Variants in CLCN4 observed in about 807,000 individuals in gnomAD.
CLCN4 encodes the protein Cl-/H+ antiporter 4, also known as H(+)/Cl(-) exchange transporter 4.
In CLCN4, 1 loss-of-function variant was observed where a neutral mutation model predicts 41.7. The ratio of observed to expected loss-of-function variants is 0.02; its 90% CI spans 0.01 to 0.11. CLCN4 has a LOEUF of 0.11. Among genes scored for constraint, CLCN4 ranks in the 10% least tolerant of loss-of-function variants. CLCN4 has a pLI of 1.00. For missense variants in CLCN4, 287 were observed against 661.0 expected, an observed-to-expected ratio of 0.43 and a Z score of 6.20; for synonymous variants, 277 against 285.8, an observed-to-expected ratio of 0.97 and a Z score of 0.31.
intron 11 of CLCN4, among the ~76,000 whole-genome samples, chrX:10,214,563 C>A (rs1924657051): frequency 8.9e-6 from 1 of 112,895 alleles, no homozygotes; most frequent in Non-Finnish European, 1.9e-5. Flanking sequence ...CCCCAGACAC[C>A]CCTTGCCACC....
chrX:10,169,684 G>A (rs1262773744), intron 2 of CLCN4, among the ~76,000 whole-genome samples: 2 of 110,923 alleles, frequency 1.8e-5, no homozygotes, highest in Non-Finnish European at 3.8e-5. Flanking sequence ...AACCACTCAC[G>A]TGTGACATGG....
At chrX:10,218,870 C>G (rs1053158980) in intron 11 of CLCN4, among the ~76,000 whole-genome samples, 1 of 112,468 alleles carries the variant, frequency 8.9e-6, no homozygotes, top group African/African-American at 3.2e-5. Flanking sequence ...CAGTAAATAC[C>G]TTGTGTGCTT....
chrX:10,192,821 G>A (rs1924002135), intron 4 of CLCN4, among the ~76,000 whole-genome samples: 1 of 112,160 alleles, frequency 8.9e-6, no homozygotes, highest in Non-Finnish European at 1.9e-5. Flanking sequence ...AAGACAGCCC[G>A]AGTGGGGATG....
At chrX:10,216,630 C>T (rs996332430) in intron 11 of CLCN4, among the ~76,000 whole-genome samples, 1 of 109,307 alleles carries the variant, frequency 9.1e-6, no homozygotes, top group Non-Finnish European at 1.9e-5. Flanking sequence ...TAGGCTGGTA[C>T]AAAAGTAGTT....
In CLCN4 at chrX:10,213,977, C is replaced by T; in HGVS notation, c.1873C>T (p.Leu625Phe). The change falls in exon 11 of 13, where the codon CTC becomes TTC. Residue 625 changes from leucine (L) to phenylalanine (F), a missense_variant. Physicochemically the swap from Leu to Phe is conservative, Grantham distance 22 (BLOSUM62 0). Transcript: ENST00000380833. ...CATGACTGTCGAGGACGTGGAGACG[C>T]TCATCAAGGAGACCGACTACAACGG... ...DSMTVEDVET[L>F]IKETDYNGFP... is the part of the protein sequence containing the mutation. 8.3e-7 allele frequency: 1 copy of T among 1,211,573 alleles called. No homozygotes were observed. The highest frequency in any genetic ancestry group is 1.1e-6 in the Non-Finnish European group (1 of 895,185).
At position 10,158,543 on chromosome X, in the gene CLCN4, G is replaced by A. The variant is rs1206535595; in HGVS notation, c.-20G>A. 9 of 296,174 alleles carry A rather than the reference G, an allele frequency of 3.0e-5. No homozygotes were observed. In the East Asian group the frequency reaches 3.8e-4, roughly 13 times the overall value. The allele number at this position is 296,174 out of a possible 1,213,427, so 24.4% of individuals were successfully genotyped here. A position where few individuals can be genotyped will look rare whatever the true frequency, so the allele number is the denominator to read the frequency against. ...GGTGGGCGGCCGCGGGCGCGATGCG[G>A]CACTGCAGGTAAGGGGCGCGCGGCG... On this transcript the variant is annotated 5_prime_UTR_variant, in exon 2 of 13. Coordinates refer to ENST00000380833, the MANE Select transcript of CLCN4 (RefSeq NM_001830.4).
At chrX:10,206,633 C>T in intron 7 of CLCN4, 63 bp from the exon 8 acceptor site, 1 of 1,186,752 alleles carries the variant, frequency 8.4e-7, no homozygotes, top group Non-Finnish European at 1.1e-6. Context: ...GTCTGACTTG[C>T]AGGTTTGCAC....
At chrX:10,177,755 C>G (rs1923570508) in intron 2 of CLCN4, among the ~76,000 whole-genome samples, 2 of 112,229 alleles carry the variant, frequency 1.8e-5, no homozygotes, top group Non-Finnish European at 3.8e-5. Flanking sequence ...CCATCTGACC[C>G]AGCAATCCAC....
intron 11 of CLCN4, among the ~76,000 whole-genome samples, chrX:10,216,895 G>GTATATATATATA (rs1277215208): frequency 3.8e-3 from 8 of 2,088 alleles, no homozygotes; most frequent in African/African-American, 5.6e-3. Flanking sequence ...GTGTGTGTGT[G>GTATATATATATA]TGTATATATA....
At chrX:10,229,403 A>T (rs1000330284) in intron 12 of CLCN4, among the ~76,000 whole-genome samples, 18 of 107,727 alleles carry the variant, frequency 1.7e-4, no homozygotes, top group South Asian at 7.7e-4. Flanking sequence ...ATATATATAT[A>T]TTTTATTATA....
At chrX:10,173,292 A>C (rs902609572) in intron 2 of CLCN4, among the ~76,000 whole-genome samples, 1 of 111,271 alleles carries the variant, frequency 9.0e-6, no homozygotes, top group Admixed American at 9.5e-5. Context: ...ACCCTAAGGG[A>C]TGCATGGCTC....
chrX:10,178,071 C>T (rs1050520915), intron 2 of CLCN4, among the ~76,000 whole-genome samples: 3 of 110,813 alleles, frequency 2.7e-5, no homozygotes. Flanking sequence ...CATGATTCCA[C>T]TTATACGAAA....
intron 5 of CLCN4, among the ~76,000 whole-genome samples, chrX:10,195,851 T>C (rs1284335904): frequency 8.9e-6 from 1 of 112,834 alleles, no homozygotes; most frequent in Non-Finnish European, 1.9e-5. Context: ...AATAATATTC[T>C]ATTGTATGAA....
rs1006320840 is a variant in CLCN4 at position 10,234,575 on chromosome X, C to G, written c.*991C>G. The stretch of plus-strand genomic sequence containing the variant: ...ACTTATTTTTCCTCTCAGGTCTTAT[C>G]AGATACGGCTGTGGAGAGGATGAGG... On this transcript the variant is annotated 3_prime_UTR_variant, in exon 13 of 13. Transcript: ENST00000380833. 3 of 112,798 alleles carry G rather than the reference C, an allele frequency of 2.7e-5. 1 individual carries two copies. The highest frequency in any genetic ancestry group is 9.7e-5 in the African/African-American group (3 of 30,957). 9.3% of individuals were successfully genotyped at this position (112,798 alleles called of 1,213,427 possible).
intron 2 of CLCN4, among the ~76,000 whole-genome samples, chrX:10,181,820 T>C (rs1237908335): frequency 8.9e-6 from 1 of 112,061 alleles, no homozygotes; most frequent in Admixed American, 9.4e-5. Context: ...AGAGTCACTT[T>C]TAACATCAGA....
intron 9 of CLCN4, among the ~76,000 whole-genome samples, chrX:10,211,437 C>T (rs1214801505): frequency 1.8e-5 from 2 of 111,079 alleles, no homozygotes; most frequent in Non-Finnish European, 3.8e-5. Flanking sequence ...GATTTGTTTT[C>T]ATGTCTCAGG....
chrX:10,210,650 C>CTTTTTT (rs34763016), intron 9 of CLCN4, among the ~76,000 whole-genome samples: 2 of 75,048 alleles, frequency 2.7e-5, no homozygotes, highest in Non-Finnish European at 5.0e-5. Context: ...CCTGAATTGT[C>CTTTTTT]TTTTTTTTTT....
At chrX:10,209,536 A>T (rs1021909659) in intron 9 of CLCN4, among the ~76,000 whole-genome samples, 16 of 109,036 alleles carry the variant, frequency 1.5e-4, no homozygotes, top group East Asian at 5.8e-4. Flanking sequence ...ATTTAAAAAA[A>T]TTTTTTGTAC....
At position 10,223,904 on chromosome X, in the gene CLCN4, A is replaced by G. The variant is rs183368391; in HGVS notation, c.2192+3027A>G. Reference sequence around the variant, plus strand: ...GAATTTGAATTATGTCCTTGGTCATAGATCTGGCCATTTATAATTCGCTGA... The same window carrying G: ...GAATTTGAATTATGTCCTTGGTCATGGATCTGGCCATTTATAATTCGCTGA... On this transcript the variant is annotated intron_variant, in intron 12 of 12. Transcript: ENST00000380833. Among the ~76,000 whole-genome samples, 4 of 112,157 alleles carry G rather than the reference A, an allele frequency of 3.6e-5. No homozygotes were observed. The East Asian group carries it at 1.1e-3, about 31-fold the overall frequency.
Sources: allele counts gnomAD v4.1 joint callset (sites outside exome capture counted in the v4.1 genomes callset), GRCh38; gene constraint gnomAD v4.1.1; transcripts MANE v1.5; gene names NCBI Gene and HGNC (gene_info 2026-07-23, HGNC 2026-07-21).